RRP1B: variants seen among roughly 807,000 people sequenced by gnomAD.
The protein encoded by RRP1B is ribosomal RNA processing protein 1 homolog B.
Under a neutral mutation model 80.2 loss-of-function variants are expected in RRP1B, and 56 were observed. That is an observed-to-expected ratio of 0.70 (90% CI 0.56 to 0.87). RRP1B has a LOEUF of 0.87. Ranked by LOEUF, RRP1B falls within the 40% of genes least tolerant of loss-of-function variation. The pLI is 0.00. For synonymous variants in RRP1B, 351 were observed against 357.6 expected (o/e 0.98, Z 0.21); for missense variants, 807 against 939.8 (o/e 0.86, Z 1.85).
chr21:43,661,745 C>T (rs1473219899), intron 1 of RRP1B, among the ~76,000 whole-genome samples: 2 of 152,160 alleles, frequency 1.3e-5, no homozygotes, highest in East Asian at 1.9e-4. Context: ...ATGATCTGTC[C>T]TCAGGTGCTC....
intron 12 of RRP1B, among the ~76,000 whole-genome samples, chr21:43,687,244 G>A (rs1356854672): frequency 6.6e-6 from 1 of 152,140 alleles, no homozygotes; most frequent in African/African-American, 2.4e-5. Context: ...TTTTACCCTT[G>A]AGCCCTAAAA....
At chr21:43,662,484 G>A (rs7282122) in intron 1 of RRP1B, among the ~76,000 whole-genome samples, 91,022 of 152,116 alleles carry the variant, frequency 0.6, 27,942 homozygotes, top group East Asian at 0.82. Context: ...CCTGACATTC[G>A]ACTCCCGATG....
rs1354453066 is a variant in RRP1B at position 43,693,012 on chromosome 21, C to T, written c.2084-178C>T. On this transcript the variant is annotated intron_variant, in intron 15 of 15. Coordinates refer to ENST00000340648, the MANE Select transcript of RRP1B (RefSeq NM_015056.3). The surrounding 1 kb of genome is among the most constrained non-coding windows in gnomAD (Gnocchi z 4.1). ...GGTGAGTTGAGGCATGGGATGTGGC[C>T]TCACTGCCCTCCTTTCCTCAGAAGG... 6.6e-6 allele frequency among the ~76,000 whole-genome samples: 1 copy of T among 152,144 alleles called. No individual in the cohort carries two copies. The highest frequency in any genetic ancestry group is 1.5e-5 in the Non-Finnish European group (1 of 68,022).
chr21:43,680,406 A>AG (rs1446488555), intron 8 of RRP1B, among the ~76,000 whole-genome samples: 1 of 151,496 alleles, frequency 6.6e-6, no homozygotes, highest in Middle Eastern at 3.2e-3. Flanking sequence ...AAAAATACAA[A>AG]AAAAAAAATT....
In RRP1B at chr21:43,659,827, T is replaced by G. The variant is rs1288905232; in HGVS notation, c.130+33T>G. 1 of 1,485,850 alleles carries G rather than the reference T, an allele frequency of 6.7e-7. No individual in the cohort carries two copies. 92.0% of individuals were successfully genotyped at this position (1,485,850 alleles called of 1,614,324 possible). A position where few individuals can be genotyped will look rare whatever the true frequency, so the allele number is the denominator to read the frequency against. ...CACGGCCGCGGTCAGCCGCGCCACATGGCGGGCCGGGGGCCGGGGCTGGGG... is the reference window on the plus strand; with the variant it reads ...CACGGCCGCGGTCAGCCGCGCCACAGGGCGGGCCGGGGGCCGGGGCTGGGG... On this transcript the variant is annotated intron_variant, in intron 1 of 15. Transcript: ENST00000340648. This position sits in a 1 kb window ranked among gnomAD's most constrained non-coding sequence, Gnocchi z 4.2.
At chr21:43,664,435 T>G (rs927475905) in intron 1 of RRP1B, among the ~76,000 whole-genome samples, 81 of 152,182 alleles carry the variant, frequency 5.3e-4, no homozygotes, top group African/African-American at 1.9e-3. Flanking sequence ...AACTCAATAG[T>G]GCTTTGTTCT....
At position 43,676,879 on chromosome 21, in the gene RRP1B, T is replaced by C. The variant is rs1370881755; in HGVS notation, c.761T>C (p.Val254Ala). The C allele has an allele frequency of 1.2e-6, 2 of 1,614,080 alleles. No individual in the cohort carries two copies. Among genetic ancestry groups the C allele is most frequent in the African/African-American group, 2.7e-5 (2 of 74,932 alleles). ...LSAEEIPENE[V>A]SLRRAVSKKK... ...GCTGAGGAGATACCTGAAAATGAGG[T>C]ATCCTTGAGAAGAGCTGTCAGTAAA... is the stretch of plus-strand genomic sequence containing the variant. Residue 254 changes from valine (V) to alanine (A), a missense_variant, in exon 8 of 16, where the codon GTA becomes GCA. Val to Ala is a moderately conservative substitution (Grantham distance 64). Coordinates refer to ENST00000340648, the MANE Select transcript of RRP1B (RefSeq NM_015056.3).
At chr21:43,689,600 C>T (rs985476382) in intron 13 of RRP1B, among the ~76,000 whole-genome samples, 26 of 152,336 alleles carry the variant, frequency 1.7e-4, no homozygotes, top group African/African-American at 4.8e-4. Context: ...TTCTTGCTGT[C>T]GTCTCAGGCC....
chr21:43,661,910 TC>T (rs2082959150), intron 1 of RRP1B, among the ~76,000 whole-genome samples: 1 of 152,228 alleles, frequency 6.6e-6, no homozygotes, highest in Non-Finnish European at 1.5e-5. Context: ...AGCATTCAGT[TC>T]AGTATCACTT....
At position 43,683,345 on chromosome 21, in the gene RRP1B, C is replaced by T; in HGVS notation, c.863C>T (p.Thr288Ile). Residue 288 changes from threonine (T) to isoleucine (I), a missense_variant, in exon 9 of 16, where the codon ACC becomes ATC. Transcript: ENST00000340648. ...SDERGRDDCG[T>I]FEDTGPLLQF... The stretch of plus-strand genomic sequence containing the variant: ...GAAAGAGGAAGAGATGACTGTGGAA[C>T]CTTTGAGGACACAGGGCCCCTTCTC... 6.2e-7 allele frequency: 1 copy of T among 1,614,060 alleles called. No individual in the cohort carries two copies. The highest frequency in any genetic ancestry group is 8.5e-7 in the Non-Finnish European group (1 of 1,179,948).
At chr21:43,684,075 ATT>A (rs538807611) in intron 9 of RRP1B, among the ~76,000 whole-genome samples, 6 of 135,828 alleles carry the variant, frequency 4.4e-5, no homozygotes, top group Admixed American at 7.3e-5. Context: ...CCCAAGAATA[ATT>A]TTTTTTTTTT....
chr21:43,659,851 G>A lies in RRP1B; in HGVS notation c.130+57G>A. The A allele has an allele frequency of 6.9e-7, 1 of 1,441,692 alleles. No homozygotes were observed. Among genetic ancestry groups the A allele is most frequent in the Non-Finnish European group, 9.2e-7 (1 of 1,091,300 alleles). The allele number at this position is 1,441,692 out of a possible 1,614,324, so 89.3% of individuals were successfully genotyped here. On this transcript the variant is annotated intron_variant, in intron 1 of 15. Transcript: ENST00000340648. The surrounding 1 kb of genome is among the most constrained non-coding windows in gnomAD (Gnocchi z 4.2). ...ATGGCGGGCCGGGGGCCGGGGCTGG[G>A]GCTAGGGCCAGGGCCCCGGCACGGA...
rs746604958 is a variant in RRP1B at position 43,674,670 on chromosome 21, T to C, written c.392T>C (p.Val131Ala). The change falls in exon 5 of 16, where the codon GTC becomes GCC. Residue 131 changes from valine (V) to alanine (A), a missense_variant. By Grantham distance (64) the Val-to-Ala change is moderately conservative. Transcript: ENST00000340648. ...IRLVLRQSFEVLKRNGWEESR... is the reference protein window; with the variant it reads ...IRLVLRQSFEALKRNGWEESR... Reference sequence around the variant, plus strand: ...CTGGTCCTGAGGCAGTCCTTTGAAGTCTTGAAGCGAAATGGCTGGGAAGAA... The same window carrying C: ...CTGGTCCTGAGGCAGTCCTTTGAAGCCTTGAAGCGAAATGGCTGGGAAGAA... 6.2e-7 allele frequency: 1 copy of C among 1,604,452 alleles called. No homozygotes were observed. Among genetic ancestry groups the C allele is most frequent in the Admixed American group, 1.7e-5 (1 of 57,758 alleles).
Position 43,693,499 on chromosome 21 carries a change from C to A in RRP1B, c.*116C>A. On this transcript the variant is annotated 3_prime_UTR_variant, in exon 16 of 16. Transcript: ENST00000340648. The surrounding 1 kb of genome is among the most constrained non-coding windows in gnomAD (Gnocchi z 4.1). ...TGTAAGTTCCCATAAGTTGTGTGCA[C>A]GAGGTTCTGAGAGTGCCCGCAGGCT... 2 of 1,124,430 alleles carry A rather than the reference C, an allele frequency of 1.8e-6. No individual in the cohort carries two copies. Among genetic ancestry groups the A allele is most frequent in the Non-Finnish European group, 2.4e-6 (2 of 829,140 alleles). The allele number at this position is 1,124,430 out of a possible 1,614,324, so 69.7% of individuals were successfully genotyped here. A position where few individuals can be genotyped will look rare whatever the true frequency, so the allele number is the denominator to read the frequency against.
At chr21:43,664,436 G>A (rs2147159931) in intron 1 of RRP1B, among the ~76,000 whole-genome samples, 1 of 152,238 alleles carries the variant, frequency 6.6e-6, no homozygotes, top group East Asian at 1.9e-4. Context: ...ACTCAATAGT[G>A]CTTTGTTCTT....
At chr21:43,689,436 A>C (rs1014069027) in intron 13 of RRP1B, among the ~76,000 whole-genome samples, 1 of 152,174 alleles carries the variant, frequency 6.6e-6, no homozygotes, top group Non-Finnish European at 1.5e-5. Context: ...AGCCTTACCC[A>C]GGGGCAGCAG....
chr21:43,678,324 T>C (rs2083030132), intron 8 of RRP1B, among the ~76,000 whole-genome samples: 1 of 152,200 alleles, frequency 6.6e-6, no homozygotes, highest in South Asian at 2.1e-4. Context: ...CAGGCCCAGC[T>C]AATTTTTTGC....
intron 2 of RRP1B, among the ~76,000 whole-genome samples, chr21:43,670,751 G>T (rs1027723093): frequency 1.3e-5 from 2 of 152,028 alleles, no homozygotes; most frequent in African/African-American, 4.8e-5. Flanking sequence ...TTCTTCCAGT[G>T]TGACCCAGGG....
Position 43,672,354 on chromosome 21 carries a change from A to G in RRP1B, c.260A>G (p.Asn87Ser). ...TIAQLVHAVN[N>S]SAAQHLFIQT... ...GCACAGCTAGTCCATGCTGTTAACA[A>G]CTCAGCGGCTCGTAAGTCCTGTTGT... Residue 87 changes from asparagine to serine, a missense_variant, in exon 3 of 16, where the codon AAC becomes AGC. Physicochemically the swap from Asn to Ser is conservative, Grantham distance 46. Transcript: ENST00000340648. The G allele has an allele frequency of 1.9e-6, 3 of 1,613,936 alleles. No individual in the cohort carries two copies. The highest frequency in any genetic ancestry group is 2.5e-6 in the Non-Finnish European group (3 of 1,179,894).
Sources: allele counts gnomAD v4.1 joint callset (sites outside exome capture counted in the v4.1 genomes callset), GRCh38; gene constraint gnomAD v4.1.1; non-coding constraint Gnocchi (gnomAD v3.1); transcripts MANE v1.5; gene names NCBI Gene and HGNC (gene_info 2026-07-23, HGNC 2026-07-21).